Variants in AGBL1 observed in about 807,000 individuals in gnomAD.
The protein encoded by AGBL1 is cytosolic carboxypeptidase 4.
In AGBL1, 130 loss-of-function variants were observed where a neutral mutation model predicts 118.9. The ratio of observed to expected loss-of-function variants is 1.09; its 90% confidence interval spans 0.95 to 1.26. The LOEUF is 1.26. Ranked by LOEUF, AGBL1 falls within the 50% of genes most tolerant of loss-of-function variation. AGBL1 has a pLI of 0.00. For synonymous variants in AGBL1, 555 were observed against 478.9 expected (o/e 1.16, Z -2.08); for missense variants, 1,584 against 1,298.1 (o/e 1.22, Z -3.38).
At chr15:86,928,247 G>A (rs1567244445) in intron 23 of AGBL1, among the ~76,000 whole-genome samples, 2 of 152,166 alleles carry the variant, frequency 1.3e-5, no homozygotes, top group Non-Finnish European at 2.9e-5. Context: ...AATCTGTGAT[G>A]CAGAGCAAAG....
At chr15:86,556,987 A>G (rs1034066359) in intron 21 of AGBL1, among the ~76,000 whole-genome samples, 4 of 152,232 alleles carry the variant, frequency 2.6e-5, no homozygotes, top group African/African-American at 4.8e-5. Context: ...TTGGAACTGC[A>G]TTAAAGAACA....
chr15:86,722,950 T>A (rs917947764), intron 22 of AGBL1, among the ~76,000 whole-genome samples: 12 of 152,090 alleles, frequency 7.9e-5, no homozygotes, highest in East Asian at 1.9e-4. Context: ...AAAACCACAA[T>A]GAGATACCAT....
intron 22 of AGBL1, among the ~76,000 whole-genome samples, chr15:86,858,335 T>C (rs1206890731): frequency 1.3e-5 from 2 of 152,186 alleles, no homozygotes; most frequent in African/African-American, 2.4e-5. Context: ...GGAACATCAC[T>C]GGGAGTTTAC....
At chr15:86,948,890 A>T (rs1317024301) in intron 23 of AGBL1, among the ~76,000 whole-genome samples, 1 of 152,254 alleles carries the variant, frequency 6.6e-6, no homozygotes, top group Admixed American at 6.5e-5. Context: ...TAGGCCCTGG[A>T]TACCACTTTT....
intron 23 of AGBL1, chr15:86,938,729 C>T (rs181089749): frequency 1.5e-3 from 225 of 152,216 alleles, no homozygotes; most frequent in African/African-American, 5.1e-3. Context: ...GTTGAAGTAC[C>T]AAGAAAGCCT....
At chr15:86,949,758 G>A (rs991070800) in intron 23 of AGBL1, among the ~76,000 whole-genome samples, 2 of 152,016 alleles carry the variant, frequency 1.3e-5, no homozygotes, top group Non-Finnish European at 2.9e-5. Flanking sequence ...AAATTAAAAT[G>A]AGAAATAGAC....
chr15:86,947,285 T>C (rs976228924), intron 23 of AGBL1, among the ~76,000 whole-genome samples: 4 of 152,202 alleles, frequency 2.6e-5, no homozygotes, highest in Admixed American at 2.0e-4. Flanking sequence ...GGACAGTTAC[T>C]CACATGAGCA....
At chr15:86,368,332 C>A (rs999638058) in intron 17 of AGBL1, among the ~76,000 whole-genome samples, 1 of 151,938 alleles carries the variant, frequency 6.6e-6, no homozygotes, top group Non-Finnish European at 1.5e-5. Context: ...TTCAACATGA[C>A]CCTATAACAA....
chr15:86,854,005 T>A (rs35122712), intron 22 of AGBL1, among the ~76,000 whole-genome samples: 25,260 of 152,192 alleles, frequency 0.17, 2,229 homozygotes, highest in South Asian at 0.25. Flanking sequence ...GACAGCAATT[T>A]TTTTTTAAAT....
chr15:86,957,557 G>A (rs1166552172), intron 23 of AGBL1, among the ~76,000 whole-genome samples: 1 of 151,864 alleles, frequency 6.6e-6, no homozygotes, highest in East Asian at 1.9e-4. Context: ...CTATATAGCA[G>A]CAGCAAACAA....
At chr15:86,810,756 T>C (rs1357479461) in intron 22 of AGBL1, among the ~76,000 whole-genome samples, 4 of 152,156 alleles carry the variant, frequency 2.6e-5, no homozygotes, top group Non-Finnish European at 5.9e-5. Flanking sequence ...TACTCTTAAA[T>C]TTCAGCTTTT....
At chr15:86,994,507 G>T (rs756046893) in intron 24 of AGBL1, among the ~76,000 whole-genome samples, 1 of 152,150 alleles carries the variant, frequency 6.6e-6, no homozygotes, top group Non-Finnish European at 1.5e-5. Flanking sequence ...TCAAGCCCTA[G>T]AAAGAGGCAA....
chr15:86,723,010 G>A (rs1478632478), intron 22 of AGBL1, among the ~76,000 whole-genome samples: 1 of 151,884 alleles, frequency 6.6e-6, no homozygotes, highest in African/African-American at 2.4e-5. Context: ...AACAACAGGT[G>A]CTGGAGAGGA....
chr15:86,481,794 A>G (rs905722017), intron 18 of AGBL1, among the ~76,000 whole-genome samples: 8 of 152,118 alleles, frequency 5.3e-5, no homozygotes, highest in African/African-American at 1.4e-4. Context: ...TTTGGCGGTC[A>G]CCTGGTTTGT....
chr15:86,154,648 A>G, intron 4 of AGBL1, 87 bp downstream of exon 4: 1 of 1,452,234 alleles, frequency 6.9e-7, no homozygotes, highest in Non-Finnish European at 9.2e-7. Context: ...GGTTGGAAGA[A>G]AAGCATGGGT....
chr15:86,776,490 A>C (rs969418199), intron 22 of AGBL1, among the ~76,000 whole-genome samples: 1 of 151,388 alleles, frequency 6.6e-6, no homozygotes, highest in Non-Finnish European at 1.5e-5. Context: ...CATTTTTTCT[A>C]TTCGTTGCTT....
intron 22 of AGBL1, among the ~76,000 whole-genome samples, chr15:86,875,407 T>G (rs2079793135): frequency 6.6e-6 from 1 of 152,136 alleles, no homozygotes; most frequent in African/African-American, 2.4e-5. Flanking sequence ...TGTAATTGGA[T>G]TTTTTTTAAA....
chr15:86,861,188 C>G (rs186624547), intron 22 of AGBL1, among the ~76,000 whole-genome samples: 6 of 152,254 alleles, frequency 3.9e-5, no homozygotes, highest in Admixed American at 3.3e-4. Flanking sequence ...TCTATTTTCT[C>G]TTCAGTTTCA....
intron 23 of AGBL1, among the ~76,000 whole-genome samples, chr15:86,954,634 G>A (rs763950284): frequency 7.2e-5 from 11 of 152,016 alleles, no homozygotes; most frequent in African/African-American, 1.2e-4. Context: ...GAACATAGAC[G>A]CTGTGGACTA....
Sources: gnomAD v4.1 joint callset for allele counts (sites outside exome capture counted in the v4.1 genomes callset) on GRCh38, gnomAD v4.1.1 for gene constraint, MANE v1.5 for transcripts, NCBI Gene and HGNC (gene_info 2026-07-23, HGNC 2026-07-21) for gene names.